The following RYR1 variants were observed in gnomAD, a reference collection of about 807,000 sequenced individuals.
RYR1 encodes the protein central core disease of muscle.
RYR1 carries 342 observed loss-of-function variants against 583.5 expected under a neutral mutation model. The observed-to-expected ratio is 0.59, with a 90% CI of 0.54 to 0.64. The LOEUF is 0.64. Among genes scored for constraint, RYR1 ranks in the 30% least tolerant of loss-of-function variants. RYR1 has a pLI of 0.00. For missense variants in RYR1, 6,032 were observed against 6,917.2 expected (o/e 0.87, Z 4.54); for synonymous variants, 2,791 against 2,822.5 (o/e 0.99, Z 0.35).
rs780470212 is a variant in RYR1 at position 38,523,320 on chromosome 19, G to A, written c.10440+11G>A. ...AGCAAAATGGCTAAGGTCGGGGCTT[G>A]GTTCTGGGAGGAGCACTTGGCAGAG... On this transcript the variant is annotated intron_variant, in intron 69 of 105. Coordinates refer to ENST00000359596, the MANE Select transcript of RYR1 (RefSeq NM_000540.3). 6.2e-7 allele frequency: 1 copy of A among 1,614,122 alleles called. No homozygotes were observed. Among genetic ancestry groups the A allele is most frequent in the South Asian group, 1.1e-5 (1 of 91,078 alleles).
intron 1 of RYR1, among the ~76,000 whole-genome samples, chr19:38,436,470 A>C (rs1437489633): frequency 6.6e-6 from 1 of 151,782 alleles, no homozygotes; most frequent in Non-Finnish European, 1.5e-5. Context: ...TGGCCTCCCA[A>C]AGTTTTGGGA....
chr19:38,565,579 C>G lies in RYR1; in HGVS notation c.13245C>G (p.Ala4415=). 1 of 1,467,988 alleles carries G rather than the reference C, an allele frequency of 6.8e-7. No individual in the cohort carries two copies. Among genetic ancestry groups the G allele is most frequent in the East Asian group, 2.9e-5 (1 of 34,188 alleles). 90.9% of individuals were successfully genotyped at this position (1,467,988 alleles called of 1,614,324 possible). Residue 4415 remains alanine (A), a synonymous_variant, in exon 91 of 106, where the codon GCC becomes GCG. Coordinates refer to ENST00000359596, the MANE Select transcript of RYR1 (RefSeq NM_000540.3). The surrounding 1 kb of genome is among the most constrained non-coding windows in gnomAD (Gnocchi z 4.7). ...GEGASEGAGD[A]AEGAGDEEEA... ...GTGCCAGCGAGGGCGCTGGAGACGCCGCGGAGGGCGCTGGAGACGAGGAGG... is the reference window on the plus strand; with the variant it reads ...GTGCCAGCGAGGGCGCTGGAGACGCGGCGGAGGGCGCTGGAGACGAGGAGG...
At chr19:38,448,267 G>C in intron 9 of RYR1, 88 bp from the exon 10 acceptor site, 1 of 1,449,562 alleles carries the variant, frequency 6.9e-7, no homozygotes, top group African/African-American at 1.4e-5. Flanking sequence ...CCTGGTTTCT[G>C]TAAAAAAAAG....
chr19:38,448,628 CTG>C lies in RYR1; in HGVS notation c.958-17_958-16del, dbSNP rs748533890. The C allele has an allele frequency of 2.5e-6, 4 of 1,614,198 alleles. No individual in the cohort carries two copies. In the Admixed American group the frequency reaches 6.7e-5, roughly 27 times the overall value. ...AAACACACAGGCAGAGGAGGCTGAC[CTG>C]TGTCCCCTGCCCCTGTAGGAGAAGC... On this transcript the variant is annotated intron_variant, in intron 10 of 105. Transcript: ENST00000359596.
chr19:38,446,190 T>C (rs1600648773), intron 7 of RYR1, among the ~76,000 whole-genome samples: 1 of 151,624 alleles, frequency 6.6e-6, no homozygotes, highest in African/African-American at 2.4e-5. Flanking sequence ...AAGTCCAAAC[T>C]CAGAACCTTA....
At position 38,444,747 on chromosome 19, in the gene RYR1, A is replaced by T; in HGVS notation, c.631+70A>T. The T allele has an allele frequency of 1.7e-6, 2 of 1,206,474 alleles. No homozygotes were observed. The highest frequency in any genetic ancestry group is 1.3e-5 in the South Asian group (1 of 79,060). The allele number at this position is 1,206,474 out of a possible 1,614,324, so 74.7% of individuals were successfully genotyped here. On this transcript the variant is annotated intron_variant, in intron 7 of 105. Transcript: ENST00000359596. The surrounding 1 kb of genome is among the most constrained non-coding windows in gnomAD (Gnocchi z 5.1). ...AGACCCTTAATGTTGCCCTTCAGGC[A>T]TACCCAAATGGAGCCTTGGAACCTC... is the stretch of plus-strand genomic sequence containing the variant.
chr19:38,481,274 G>T (rs112716672), intron 31 of RYR1, among the ~76,000 whole-genome samples: 1 of 151,948 alleles, frequency 6.6e-6, no homozygotes, highest in Non-Finnish European at 1.5e-5. Context: ...CCACAGACAC[G>T]CACTACCACA....
Position 38,469,055 on chromosome 19 carries a change from C to T in RYR1, c.3471C>T (p.Asn1157=). 1 of 1,614,194 alleles carries T rather than the reference C, an allele frequency of 6.2e-7. No individual in the cohort carries two copies. Among genetic ancestry groups the T allele is most frequent in the East Asian group, 2.2e-5 (1 of 44,878 alleles). ...GCTGTATGATCGACCTCACAGAGAA[C>T]ACCATTATCTTCACCCTCAATGGCG... ...VVGCMIDLTE[N]TIIFTLNGEV... The change falls in exon 26 of 106, where the codon AAC becomes AAT. Residue 1157 remains asparagine (N), a synonymous_variant. Transcript: ENST00000359596.
chr19:38,547,586 A>G lies in RYR1; in HGVS notation c.12095-647A>G, dbSNP rs187679336. 3.8e-3 allele frequency among the ~76,000 whole-genome samples: 583 copies of G among 152,124 alleles called. 3 individuals carry two copies. Among genetic ancestry groups the G allele is most frequent in the Middle Eastern group, 0.031 (9 of 294 alleles). ...ATCCATTCTCCCCACTTTACTGGCT[A>G]TGTAACTTTGAGTGCATGACTTTCT... On this transcript the variant is annotated intron_variant, in intron 88 of 105. Transcript: ENST00000359596.
rs6508806 is a variant in RYR1, at chr19:38,528,513, A to T, written c.10938-86A>T. On this transcript the variant is annotated intron_variant, in intron 74 of 105. Transcript: ENST00000359596. ...GGAGGGCCAACGTGATGGGGCCTTG[A>T]GGGTGGTTGGGGGCTGCAGGCGCAT... 9 of 1,589,976 alleles carry T rather than the reference A, an allele frequency of 5.7e-6. No individual in the cohort carries two copies. In the African/African-American group the frequency reaches 8.0e-5, roughly 14 times the overall value.
At position 38,565,075 on chromosome 19, in the gene RYR1, C is replaced by T. The variant is rs80039127; in HGVS notation, c.12741C>T (p.Ala4247=). ...ACACCATCTTCGAGATGCAGATCGC[C>T]GCGCAGATCTCGGAGCCCGAGGGCG... ...CEDTIFEMQI[A]AQISEPEGEP... is the part of the protein sequence containing the mutation. Residue 4247 remains alanine, a synonymous_variant, in exon 91 of 106, where the codon GCC becomes GCT. Coordinates refer to ENST00000359596, the MANE Select transcript of RYR1 (RefSeq NM_000540.3). The surrounding 1 kb of genome is among the most constrained non-coding windows in gnomAD (Gnocchi z 4.7). 2,352 of 1,559,908 alleles carry T rather than the reference C, an allele frequency of 1.5e-3. 33 individuals are homozygous for T. In the African/African-American group the frequency reaches 0.027, roughly 18 times the overall value.
chr19:38,532,362 A>C, intron 76 of RYR1, 128 bp from the exon 77 acceptor site: 1 of 895,694 alleles, frequency 1.1e-6, no homozygotes, highest in Non-Finnish European at 1.8e-6. Flanking sequence ...ATCTCAAGTG[A>C]TCTGCCTGCC....
intron 27 of RYR1, among the ~76,000 whole-genome samples, chr19:38,470,187 GGCT>G (rs1968346973): frequency 2.0e-5 from 3 of 151,488 alleles, no homozygotes; most frequent in East Asian, 3.9e-4. Context: ...AAAAGTTAAA[GGCT>G]GCAGTGAGCT....
At position 38,587,391 on chromosome 19, in the gene RYR1, C is replaced by T. The variant is rs374070555; in HGVS notation, c.15088C>T (p.Arg5030Cys). ...WDFFPAGDCF[R>C]KQYEDQLS ...TTTCTTCCCAGCTGGTGATTGTTTCCGTAAGCAGTATGAGGACCAGCTTAG... is the reference window on the plus strand; with the variant it reads ...TTTCTTCCCAGCTGGTGATTGTTTCTGTAAGCAGTATGAGGACCAGCTTAG... The change falls in exon 106 of 106, where the codon CGT becomes TGT. Residue 5030 changes from arginine to cysteine, a missense_variant. Arg to Cys is a radical substitution (Grantham distance 180, BLOSUM62 -3). Transcript: ENST00000359596. 9.9e-6 allele frequency: 16 copies of T among 1,613,838 alleles called. No individual in the cohort carries two copies. Among genetic ancestry groups the T allele is most frequent in the Middle Eastern group, 1.6e-4 (1 of 6,082 alleles).
chr19:38,485,632 G>A lies in RYR1; in HGVS notation c.4977G>A (p.Gln1659=). ...ILELSERLDL[Q]RFHSHTLRLY... ...AGCTGTCGGAGCGCCTGGACCTGCA[G>A]CGCTTCCACTCGCACACCCTGCGCC... The change falls in exon 34 of 106, where the codon CAG becomes CAA. Residue 1659 remains glutamine (Q), a synonymous_variant. Coordinates refer to ENST00000359596, the MANE Select transcript of RYR1 (RefSeq NM_000540.3). 1 of 1,610,198 alleles carries A rather than the reference G, an allele frequency of 6.2e-7. No individual in the cohort carries two copies. Among genetic ancestry groups the A allele is most frequent in the Non-Finnish European group, 8.5e-7 (1 of 1,179,954 alleles).
chr19:38,564,464 A>G (rs908157275), intron 90 of RYR1, among the ~76,000 whole-genome samples: 1 of 152,040 alleles, frequency 6.6e-6, no homozygotes, highest in Non-Finnish European at 1.5e-5. Context: ...GACGAAGGTT[A>G]CAGTGAGACA....
chr19:38,523,809 G>T, intron 69 of RYR1, 106 bp from the exon 70 acceptor site: 11 of 1,439,728 alleles, frequency 7.6e-6, no homozygotes, highest in Non-Finnish European at 1.1e-5. Flanking sequence ...AATACATGGC[G>T]GGTGGGGCAG....
In RYR1 at chr19:38,573,221, G is replaced by T. The variant is rs1275139597; in HGVS notation, c.14043G>T (p.Lys4681Asn). The change falls in exon 96 of 106, where the codon AAG (lysine) becomes AAT (asparagine). Residue 4681 changes from lysine to asparagine, a missense_variant. Transcript: ENST00000359596. Reference sequence around the variant, plus strand: ...AGCGGGAGAAGGAGCTGGCCCGGAAGCTGGAGTTTGATGGCCTGTACATCA... The same window carrying T: ...AGCGGGAGAAGGAGCTGGCCCGGAATCTGGAGTTTGATGGCCTGTACATCA... ...IFKREKELAR[K>N]LEFDGLYITE... The T allele has an allele frequency of 2.5e-6, 4 of 1,614,066 alleles. No individual in the cohort carries two copies.
At chr19:38,505,708 T>C in intron 53 of RYR1, 98 bp from the exon 54 acceptor site, 1 of 1,485,328 alleles carries the variant, frequency 6.7e-7, no homozygotes, top group Non-Finnish European at 9.3e-7. Context: ...GACTGGACCA[T>C]TGCCTAGCCA....
Sources: gnomAD v4.1 joint callset for allele counts (sites outside exome capture counted in the v4.1 genomes callset) on GRCh38, gnomAD v4.1.1 for gene constraint, Gnocchi (gnomAD v3.1) non-coding constraint, MANE v1.5 for transcripts, NCBI Gene and HGNC (gene_info 2026-07-23, HGNC 2026-07-21) for gene names.